The following CMIP variants were observed in gnomAD, a reference collection of about 807,000 sequenced individuals.
The protein encoded by CMIP is C-Maf-inducing protein.
Under a neutral mutation model 97.3 loss-of-function variants are expected in CMIP, and 13 were observed. The ratio of observed to expected loss-of-function variants is 0.13; its 90% CI spans 0.09 to 0.21. The LOEUF (loss-of-function observed/expected upper bound fraction) is 0.21, where lower values mean the gene tolerates loss of function less well. CMIP is among the 10% of genes least tolerant of loss of function. CMIP has a pLI of 1.00. For synonymous variants in CMIP, 538 were observed against 436.3 expected, an observed-to-expected ratio of 1.23 and a Z score of -2.91; for missense variants, 847 against 1,024.9, an observed-to-expected ratio of 0.83 and a Z score of 2.37.
At chr16:81,617,947 GTCC>G (rs1012851756) in intron 2 of CMIP, among the ~76,000 whole-genome samples, 2 of 152,172 alleles carry the variant, frequency 1.3e-5, no homozygotes, top group Non-Finnish European at 2.9e-5. Context: ...GGATGTGGTT[GTCC>G]TCCTCCACCT....
At chr16:81,538,418 T>C (rs1450409088) in intron 1 of CMIP, among the ~76,000 whole-genome samples, 1 of 152,252 alleles carries the variant, frequency 6.6e-6, no homozygotes, top group Admixed American at 6.5e-5. Flanking sequence ...CAAAACAGCT[T>C]CATCATCATT....
At chr16:81,512,570 A>T (rs1426722653) in intron 1 of CMIP, among the ~76,000 whole-genome samples, 1 of 152,178 alleles carries the variant, frequency 6.6e-6, no homozygotes, top group Non-Finnish European at 1.5e-5. Flanking sequence ...GGCAGCAGAA[A>T]TGCTTCACTC....
chr16:81,489,027 T>C (rs2089364792), intron 1 of CMIP, among the ~76,000 whole-genome samples: 1 of 152,152 alleles, frequency 6.6e-6, no homozygotes, highest in Admixed American at 6.5e-5. Flanking sequence ...ATTCATTCTA[T>C]TCGTTCATTC....
intron 2 of CMIP, chr16:81,617,071 A>G (rs183511198): frequency 2.6e-5 from 4 of 152,348 alleles, no homozygotes; most frequent in Non-Finnish European, 4.4e-5. Flanking sequence ...AGGAGCACCA[A>G]CGGTGTGACC....
At chr16:81,668,264 G>A (rs986540785) in intron 7 of CMIP, among the ~76,000 whole-genome samples, 3 of 152,146 alleles carry the variant, frequency 2.0e-5, no homozygotes, top group African/African-American at 7.2e-5. Flanking sequence ...GCAGGACGGT[G>A]CCGCTCCTGG....
chr16:81,548,592 G>T (rs558473947), intron 1 of CMIP, among the ~76,000 whole-genome samples: 2 of 151,872 alleles, frequency 1.3e-5, no homozygotes, highest in African/African-American at 4.8e-5. Context: ...TGTAATTCCA[G>T]TTCCTTGGGA....
In CMIP at chr16:81,612,407, C is replaced by T. The variant is rs1011239539; in HGVS notation, c.426+4715C>T. Among the ~76,000 whole-genome samples, 4 of 152,126 alleles carry T rather than the reference C, an allele frequency of 2.6e-5. No homozygotes were observed. The South Asian group carries it at 8.3e-4, about 32-fold the overall frequency. ...TGCAGGAGGCGGGGCAACTGTTTACCCCAAACATTGGCAGCAGGGCAGGGA... is the reference window on the plus strand; with the variant it reads ...TGCAGGAGGCGGGGCAACTGTTTACTCCAAACATTGGCAGCAGGGCAGGGA... On this transcript the variant is annotated intron_variant, in intron 2 of 20. Coordinates refer to ENST00000537098, the MANE Select transcript of CMIP (RefSeq NM_198390.3).
At chr16:81,521,093 A>G (rs929679330) in intron 1 of CMIP, among the ~76,000 whole-genome samples, 8 of 152,254 alleles carry the variant, frequency 5.3e-5, no homozygotes, top group Non-Finnish European at 7.3e-5. Flanking sequence ...TAATTTTGGG[A>G]TAAATTCTTG....
chr16:81,618,394 TC>T (rs2091949369), intron 2 of CMIP: 1 of 152,252 alleles, frequency 6.6e-6, no homozygotes, highest in South Asian at 2.1e-4. Flanking sequence ...ACCTAGATCA[TC>T]CCCATCTCAA....
At chr16:81,521,960 C>T (rs1272187817) in intron 1 of CMIP, among the ~76,000 whole-genome samples, 1 of 152,108 alleles carries the variant, frequency 6.6e-6, no homozygotes, top group Non-Finnish European at 1.5e-5. Context: ...ATATTGTTTC[C>T]TTTTTATCCA....
chr16:81,524,536 G>A (rs1412014884), intron 1 of CMIP, among the ~76,000 whole-genome samples: 1 of 152,224 alleles, frequency 6.6e-6, no homozygotes, highest in Non-Finnish European at 1.5e-5. Flanking sequence ...AATGCTTATC[G>A]CCAAGCCAGG....
At chr16:81,598,887 T>C (rs921656900) in intron 1 of CMIP, among the ~76,000 whole-genome samples, 5 of 146,912 alleles carry the variant, frequency 3.4e-5, no homozygotes, top group African/African-American at 1.3e-4. Flanking sequence ...GAGAATCGCT[T>C]GAAGCCGGGA....
chr16:81,674,184 G>C (rs4889362), intron 9 of CMIP, among the ~76,000 whole-genome samples: 1 of 151,984 alleles, frequency 6.6e-6, no homozygotes, highest in East Asian at 1.9e-4. Context: ...GGGACTCCAG[G>C]GGCCAGAATG....
At position 81,693,191 on chromosome 16, in the gene CMIP, G is replaced by A; in HGVS notation, c.1481+7G>A. The A allele has an allele frequency of 1.2e-6, 2 of 1,611,624 alleles. No homozygotes were observed. The highest frequency in any genetic ancestry group is 1.7e-6 in the Non-Finnish European group (2 of 1,178,108). ...CACATGAGAAGTTCACCAAGTGAGT[G>A]TCTGGGCACCGCCCTCATTCCATTC... On this transcript the variant is annotated splice_region_variant and intron_variant, in intron 12 of 20. Coordinates refer to ENST00000537098, the MANE Select transcript of CMIP (RefSeq NM_198390.3).
Position 81,648,467 on chromosome 16 carries a change from C to T in CMIP, c.478-3736C>T, listed in dbSNP as rs945402957. On this transcript the variant is annotated intron_variant, in intron 3 of 20. Transcript: ENST00000537098. ...TTTTCTGGCTGTGGGATCACTTTGG[C>T]CTGGGCACACGGCAGTCAGAAGCCC... Among the ~76,000 whole-genome samples the T allele has an allele frequency of 4.6e-5, 7 of 152,094 alleles. No homozygotes were observed. In the East Asian group the frequency reaches 5.8e-4, roughly 13 times the overall value.
In CMIP at chr16:81,453,714, A is replaced by G. The variant is rs13335545; in HGVS notation, c.300+8173A>G. On this transcript the variant is annotated intron_variant, in intron 1 of 20. Coordinates refer to ENST00000537098, the MANE Select transcript of CMIP (RefSeq NM_198390.3). The surrounding 1 kb of genome is among the most constrained non-coding windows in gnomAD (Gnocchi z 4.0). ...GCATCTGGGTGGCTTCATGCAGCCC[A>G]GTTCTTGCAGTCCTGCAGGGGTCTC... Among the ~76,000 whole-genome samples the G allele has an allele frequency of 3.0e-3, 459 of 152,340 alleles. 1 individual carries two copies. Among genetic ancestry groups the G allele is most frequent in the African/African-American group, 0.01 (431 of 41,576 alleles).
At chr16:81,701,514 T>G (rs1336021266) in intron 15 of CMIP, 146 bp from the exon 16 acceptor site, 7 of 1,062,656 alleles carry the variant, frequency 6.6e-6, no homozygotes, top group Non-Finnish European at 9.8e-6. Context: ...GTTGGGCAGG[T>G]GATTTGCCCA....
intron 1 of CMIP, among the ~76,000 whole-genome samples, chr16:81,501,651 G>A (rs893837313): frequency 1.4e-5 from 2 of 146,266 alleles, no homozygotes; most frequent in East Asian, 2.0e-4. Context: ...TCGCTCTGTC[G>A]CCCAGGCTGG....
chr16:81,477,626 A>G (rs1285131398), intron 1 of CMIP, among the ~76,000 whole-genome samples: 1 of 152,252 alleles, frequency 6.6e-6, no homozygotes, highest in Admixed American at 6.5e-5. Flanking sequence ...GGATCATATA[A>G]TATTTAAAAA....
Sources: gnomAD v4.1 joint callset for allele counts (sites outside exome capture counted in the v4.1 genomes callset) on GRCh38, gnomAD v4.1.1 for gene constraint, Gnocchi (gnomAD v3.1) non-coding constraint, MANE v1.5 for transcripts, NCBI Gene and HGNC (gene_info 2026-07-23, HGNC 2026-07-21) for gene names.